GRAMD1A: variants seen among roughly 807,000 people sequenced by gnomAD.
GRAMD1A encodes the protein GRAM domain containing 1A.
In GRAMD1A, 50 loss-of-function variants were observed where a neutral mutation model predicts 92.0. The observed-to-expected ratio is 0.54, with a 90% CI of 0.43 to 0.69. The LOEUF (loss-of-function observed/expected upper bound fraction) is 0.69, where lower values mean the gene tolerates loss of function less well. GRAMD1A is among the 30% of genes least tolerant of loss of function. The pLI is 0.00. For missense variants in GRAMD1A, 819 were observed against 978.9 expected (o/e 0.84, Z 2.18); for synonymous variants, 405 against 403.6 (o/e 1.00, Z -0.04).
Position 35,000,532 on chromosome 19 carries a change from G to A in GRAMD1A, c.8+46G>A. 1 of 1,245,838 alleles carries A rather than the reference G, an allele frequency of 8.0e-7. No individual in the cohort carries two copies. The allele number at this position is 1,245,838 out of a possible 1,614,324, so 77.2% of individuals were successfully genotyped here. On this transcript the variant is annotated intron_variant, in intron 1 of 19. Coordinates refer to ENST00000317991, the MANE Select transcript of GRAMD1A (RefSeq NM_020895.5). This position sits in a 1 kb window ranked among gnomAD's most constrained non-coding sequence, Gnocchi z 4.9. ...GCTCAGGGACCGGGCGCGCGGGGGA[G>A]GCCACCGGAGGGAGGGGGCGCCGCG...
Position 35,019,300 on chromosome 19 carries a change from G to A in GRAMD1A, c.1323G>A (p.Val441=). The A allele has an allele frequency of 6.2e-7, 1 of 1,612,890 alleles. No homozygotes were observed. The highest frequency in any genetic ancestry group is 8.5e-7 in the Non-Finnish European group (1 of 1,179,220). The change falls in exon 12 of 20, where the codon GTG becomes GTA. Residue 441 remains valine (V), a synonymous_variant. Transcript: ENST00000317991. ...NPLGPKSASV[V]ETQTLFRRGP... is the part of the protein sequence containing the mutation. ...TGGGCCCCAAGAGCGCCTCCGTGGT[G>A]GAGACACAGGTGGGCCAGGTGGGGC...
Position 35,000,559 on chromosome 19 carries a change from G to A in GRAMD1A, c.8+73G>A. ...CCACCGGAGGGAGGGGGCGCCGCGG[G>A]CTTGGGGAGGGGGCGGAGCGGCCGC... On this transcript the variant is annotated intron_variant, in intron 1 of 19. Coordinates refer to ENST00000317991, the MANE Select transcript of GRAMD1A (RefSeq NM_020895.5). The surrounding 1 kb of genome is among the most constrained non-coding windows in gnomAD (Gnocchi z 4.9). The A allele has an allele frequency of 8.6e-7, 1 of 1,165,878 alleles. No homozygotes were observed. The highest frequency in any genetic ancestry group is 1.1e-6 in the Non-Finnish European group (1 of 926,218). The allele number at this position is 1,165,878 out of a possible 1,614,324, so 72.2% of individuals were successfully genotyped here.
chr19:35,015,545 C>T (rs2015563195), intron 10 of GRAMD1A: 2 of 362,244 alleles, frequency 5.5e-6, no homozygotes, highest in African/African-American at 2.1e-5. Context: ...TCCCAGGAGG[C>T]GTGCTATCTG....
Position 35,003,061 on chromosome 19 carries a change from G to GGTGTGTGTGTGT in GRAMD1A, c.8+2596_8+2607dup, listed in dbSNP as rs58809497. ...ACTGTAGCAGACTAGCAATGCTGCA[G>GGTGTGTGTGTGT]GTGTGTGTGTGTGTGTGTGTGTGTG... On this transcript the variant is annotated intron_variant, in intron 1 of 19. Coordinates refer to ENST00000317991, the MANE Select transcript of GRAMD1A (RefSeq NM_020895.5). Among the ~76,000 whole-genome samples, 1,038 of 142,308 alleles carry GGTGTGTGTGTGT rather than the reference G, an allele frequency of 7.3e-3. 11 individuals carry two copies. The highest frequency in any genetic ancestry group is 0.018 in the African/African-American group (652 of 37,238). 93.4% of individuals were successfully genotyped at this position (142,308 alleles called of 152,430 possible).
chr19:34,999,991 C>T (rs1600264510), upstream of GRAMD1A: 2 of 984,966 alleles, frequency 2.0e-6, no homozygotes, highest in South Asian at 9.4e-5. Context: ...CAGGTTCCTC[C>T]CTGGGAGGTC....
rs1231874694 is a variant in GRAMD1A at position 35,026,222 on chromosome 19, G to A, written c.*81G>A. 6.5e-6 allele frequency: 5 copies of A among 769,506 alleles called. No homozygotes were observed. The highest frequency in any genetic ancestry group is 3.4e-5 in the African/African-American group (2 of 58,780). The allele number at this position is 769,506 out of a possible 1,614,324, so 47.7% of individuals were successfully genotyped here. A position where few individuals can be genotyped will look rare whatever the true frequency, so the allele number is the denominator to read the frequency against. The stretch of plus-strand genomic sequence containing the variant: ...GGCGGCCACTGCTGGCACGGTGTGA[G>A]CGCCAGGCATCTCCCACCCGCCCCT... On this transcript the variant is annotated 3_prime_UTR_variant, in exon 20 of 20. Coordinates refer to ENST00000317991, the MANE Select transcript of GRAMD1A (RefSeq NM_020895.5).
intron 1 of GRAMD1A, among the ~76,000 whole-genome samples, chr19:35,008,174 C>G (rs1474210871): frequency 6.6e-6 from 1 of 151,216 alleles, no homozygotes; most frequent in Non-Finnish European, 1.5e-5. Flanking sequence ...ACTAAAAATA[C>G]AAAAATTAGC....
chr19:35,025,941 T>G, intron 19 of GRAMD1A, 108 bp from the exon 20 acceptor site: 1 of 707,310 alleles, frequency 1.4e-6, no homozygotes, highest in South Asian at 1.5e-5. Context: ...GGTGGGGCAG[T>G]ATGGCCTCTA....
At chr19:35,016,639 G>A in intron 11 of GRAMD1A, among the ~76,000 whole-genome samples, 1 of 146,738 alleles carries the variant, frequency 6.8e-6, no homozygotes, top group East Asian at 2.1e-4. Flanking sequence ...AGTGGCTCAC[G>A]CTTATAATCC....
chr19:35,010,388 G>C lies in GRAMD1A; in HGVS notation c.525+9G>C. ...GCACGGAGAGCGAGAAGGTGACGGA[G>C]GACCCGGTGACGGGACCACGCGGTC... On this transcript the variant is annotated intron_variant, in intron 6 of 19. Transcript: ENST00000317991. 6.3e-7 allele frequency: 1 copy of C among 1,599,368 alleles called. No individual in the cohort carries two copies.
intron 1 of GRAMD1A, among the ~76,000 whole-genome samples, chr19:35,005,320 A>C (rs2014726027): frequency 7.3e-6 from 1 of 136,724 alleles, no homozygotes; most frequent in Non-Finnish European, 1.6e-5. Flanking sequence ...GAGGCGGGGT[A>C]GGGGGTGTTA....
rs1291927325 is a variant in GRAMD1A, at chr19:35,000,661, G to A, written c.8+175G>A. Reference sequence around the variant, plus strand: ...GGGGCGGGGCAGGGGGCCCCCGGGCGAGGGGTGCAGCTGGGGAGTGGGGCG... The same window carrying A: ...GGGGCGGGGCAGGGGGCCCCCGGGCAAGGGGTGCAGCTGGGGAGTGGGGCG... On this transcript the variant is annotated intron_variant, in intron 1 of 19. Coordinates refer to ENST00000317991, the MANE Select transcript of GRAMD1A (RefSeq NM_020895.5). This position sits in a 1 kb window ranked among gnomAD's most constrained non-coding sequence, Gnocchi z 4.9. Among the ~76,000 whole-genome samples the A allele has an allele frequency of 6.6e-6, 1 of 151,722 alleles. No homozygotes were observed.
At chr19:34,996,367 T>C, upstream of GRAMD1A, 1 of 1,236,278 alleles carries the variant, frequency 8.1e-7, no homozygotes. Flanking sequence ...GGTGGGTTCC[T>C]TGTGGCTGCG....
chr19:35,017,588 A>G (rs1259962438), intron 11 of GRAMD1A, among the ~76,000 whole-genome samples: 1 of 151,844 alleles, frequency 6.6e-6, no homozygotes, highest in East Asian at 1.9e-4. Flanking sequence ...GCCCCTCTCC[A>G]TACCTGGCTG....
intron 1 of GRAMD1A, among the ~76,000 whole-genome samples, chr19:35,005,655 G>A (rs577972795): frequency 3.2e-4 from 48 of 152,192 alleles, no homozygotes; most frequent in African/African-American, 8.2e-4. Context: ...TTTTATTCAC[G>A]TATTTTATTC....
At chr19:35,016,381 G>C (rs138608919) in intron 11 of GRAMD1A, among the ~76,000 whole-genome samples, 1 of 151,928 alleles carries the variant, frequency 6.6e-6, no homozygotes, top group Non-Finnish European at 1.5e-5. Context: ...CAGATCACTA[G>C]AGGTCAGGAG....
At position 35,019,375 on chromosome 19, in the gene GRAMD1A, G is replaced by C. The variant is rs201930739; in HGVS notation, c.1333-16G>C. On this transcript the variant is annotated splice_polypyrimidine_tract_variant and intron_variant, in intron 12 of 19. Coordinates refer to ENST00000317991, the MANE Select transcript of GRAMD1A (RefSeq NM_020895.5). The stretch of plus-strand genomic sequence containing the variant: ...TGAGTGGGGTGGCCCTGACTTCTCC[G>C]GCTCTGTCCCTGCAGACGCTGTTCC... 6.2e-7 allele frequency: 1 copy of C among 1,613,478 alleles called. No individual in the cohort carries two copies. The highest frequency in any genetic ancestry group is 8.5e-7 in the Non-Finnish European group (1 of 1,179,876).
intron 1 of GRAMD1A, among the ~76,000 whole-genome samples, chr19:35,006,550 A>G (rs2014829978): frequency 6.6e-6 from 1 of 152,200 alleles, no homozygotes; most frequent in South Asian, 2.1e-4. Context: ...AGTCCTTATT[A>G]CAGTTCGTGT....
chr19:35,022,037 G>A lies in GRAMD1A; in HGVS notation c.1840G>A (p.Val614Met), dbSNP rs2016100473. The change falls in exon 16 of 20, where the codon GTG (valine) becomes ATG (methionine). Residue 614 changes from valine to methionine, a missense_variant and splice_region_variant. This residue lies in a region of GRAMD1A where 577 missense variants were observed against 674.6 expected (regional missense o/e 0.86). Transcript: ENST00000317991. ...CAGTGCCCTGGTTCTCATCAGCATT[G>A]TGTGAGTAAGAGACAGGAGCAGTGG... is the stretch of plus-strand genomic sequence containing the variant. ...IPSALVLISI[V>M]ICVSLIILIA... 2 of 1,610,234 alleles carry A rather than the reference G, an allele frequency of 1.2e-6. No individual in the cohort carries two copies. The highest frequency in any genetic ancestry group is 2.7e-5 in the African/African-American group (2 of 74,882).
Sources: allele counts gnomAD v4.1 joint callset (sites outside exome capture counted in the v4.1 genomes callset), GRCh38; gene constraint gnomAD v4.1.1; regional missense constraint gnomAD v4.1.1; non-coding constraint Gnocchi (gnomAD v3.1); transcripts MANE v1.5; gene names NCBI Gene and HGNC (gene_info 2026-07-23, HGNC 2026-07-21).